Variants in LRRC4C observed in about 807,000 individuals in gnomAD.
The protein encoded by LRRC4C is leucine-rich repeat-containing protein 4C.
Under a neutral mutation model 33.6 loss-of-function variants are expected in LRRC4C, and 5 were observed. The ratio of observed to expected loss-of-function variants is 0.15; its 90% CI spans 0.08 to 0.31. The LOEUF (loss-of-function observed/expected upper bound fraction) is 0.31, where lower values mean the gene tolerates loss of function less well. LRRC4C is among the 10% of genes least tolerant of loss of function. The pLI is 1.00. For synonymous variants in LRRC4C, 329 were observed against 302.0 expected, an observed-to-expected ratio of 1.09 and a Z score of -0.93; for missense variants, 560 against 796.7, an observed-to-expected ratio of 0.70 and a Z score of 3.58.
chr11:40,296,510 T>C (rs1944520156), intron 4 of LRRC4C, among the ~76,000 whole-genome samples: 1 of 152,154 alleles, frequency 6.6e-6, no homozygotes, highest in East Asian at 1.9e-4. Context: ...TGCGATAACA[T>C]TAAGGTTTTG....
chr11:40,528,147 G>T (rs78986289), intron 3 of LRRC4C, among the ~76,000 whole-genome samples: 3 of 151,776 alleles, frequency 2.0e-5, no homozygotes, highest in African/African-American at 7.3e-5. Context: ...ATATAACACC[G>T]AAAGCAAAGC....
intron 3 of LRRC4C, among the ~76,000 whole-genome samples, chr11:40,518,421 AC>A (rs1412665501): frequency 1.3e-5 from 2 of 152,214 alleles, no homozygotes; most frequent in East Asian, 1.9e-4. Flanking sequence ...CAAGAAAAAA[AC>A]AACCCCATCA....
intron 1 of LRRC4C, among the ~76,000 whole-genome samples, chr11:41,305,117 T>C (rs1168210534): frequency 4.6e-5 from 1 of 21,916 alleles, no homozygotes; most frequent in Non-Finnish European, 1.1e-4. Context: ...TCAGCCCCCC[T>C]GCCCGGCCAG....
intron 1 of LRRC4C, among the ~76,000 whole-genome samples, chr11:41,082,462 A>ATCCAGTGAGTTTTTTTTCTGG (rs1426175957): frequency 6.9e-6 from 1 of 144,716 alleles, no homozygotes; most frequent in African/African-American, 2.6e-5. Flanking sequence ...GAGCTGGTGA[A>ATCCAGTGAGTTTTTTTTCTGG]ATCTTAGAGT....
intron 3 of LRRC4C, among the ~76,000 whole-genome samples, chr11:40,393,512 T>C (rs1271508027): frequency 6.6e-6 from 1 of 152,076 alleles, no homozygotes; most frequent in African/African-American, 2.4e-5. Context: ...ATAGACAGGG[T>C]CTAAGTCAGG....
intron 2 of LRRC4C, among the ~76,000 whole-genome samples, chr11:40,766,042 C>T (rs552534549): frequency 5.5e-4 from 82 of 149,234 alleles, no homozygotes; most frequent in African/African-American, 1.9e-3. Context: ...TAATCAAACT[C>T]CCAAAGGTCA....
intron 2 of LRRC4C, among the ~76,000 whole-genome samples, chr11:40,740,982 T>TG: frequency 6.6e-6 from 1 of 152,122 alleles, no homozygotes; most frequent in East Asian, 1.9e-4. Context: ...CTGGTCTTTA[T>TG]GTCTGTTTCT....
intron 3 of LRRC4C, among the ~76,000 whole-genome samples, chr11:40,419,937 A>T (rs971805839): frequency 6.6e-6 from 1 of 152,106 alleles, no homozygotes; most frequent in Non-Finnish European, 1.5e-5. Context: ...TGATGAATCT[A>T]CTCTTTGGGG....
At chr11:40,486,703 A>G (rs1053865415) in intron 3 of LRRC4C, among the ~76,000 whole-genome samples, 1 of 152,018 alleles carries the variant, frequency 6.6e-6, no homozygotes, top group South Asian at 2.1e-4. Flanking sequence ...CAACCTTTCA[A>G]TTGGTTAAGA....
chr11:41,261,745 G>A (rs1296676671), intron 1 of LRRC4C, among the ~76,000 whole-genome samples: 1 of 152,076 alleles, frequency 6.6e-6, no homozygotes, highest in Non-Finnish European at 1.5e-5. Context: ...GAGAAAATAC[G>A]TAAAGAGGAA....
intron 3 of LRRC4C, among the ~76,000 whole-genome samples, chr11:40,567,617 C>T (rs1310407325): frequency 6.6e-6 from 1 of 152,136 alleles, no homozygotes; most frequent in African/African-American, 2.4e-5. Flanking sequence ...TTATAATGCT[C>T]TCCAGTCCCA....
intron 3 of LRRC4C, among the ~76,000 whole-genome samples, chr11:40,498,941 G>A (rs1279044767): frequency 2.0e-5 from 3 of 152,146 alleles, no homozygotes; most frequent in South Asian, 2.1e-4. Flanking sequence ...CTGTCAAAAC[G>A]TTGAGATGAT....
At chr11:40,654,840 G>T (rs1487078653) in intron 2 of LRRC4C, among the ~76,000 whole-genome samples, 1 of 152,150 alleles carries the variant, frequency 6.6e-6, no homozygotes, top group African/African-American at 2.4e-5. Flanking sequence ...TCAAAGACAG[G>T]ACCAGGTGGA....
chr11:40,614,409 T>C (rs1429147295), intron 3 of LRRC4C, among the ~76,000 whole-genome samples: 1 of 91,404 alleles, frequency 1.1e-5, no homozygotes. Context: ...TCCTCACCTT[T>C]CTAATCATAT....
intron 3 of LRRC4C, among the ~76,000 whole-genome samples, chr11:40,457,103 GA>G (rs74671900): frequency 0.014 from 1,072 of 78,842 alleles, 10 homozygotes; most frequent in African/African-American, 0.036. Flanking sequence ...TCTTAAAAAA[GA>G]AAAAAAAAAA....
chr11:40,972,043 G>A (rs1851760247), intron 1 of LRRC4C, among the ~76,000 whole-genome samples: 1 of 152,026 alleles, frequency 6.6e-6, no homozygotes, highest in South Asian at 2.1e-4. Flanking sequence ...AGGTGAATGG[G>A]ACTAGCCTTT....
At chr11:40,878,172 G>A (rs944706288) in intron 2 of LRRC4C, among the ~76,000 whole-genome samples, 12 of 151,990 alleles carry the variant, frequency 7.9e-5, no homozygotes, top group Admixed American at 5.9e-4. Context: ...GGTGGACCGC[G>A]TGTAGACTAA....
Position 40,793,066 on chromosome 11 carries a change from A to G in LRRC4C, c.-407+140569T>C, listed in dbSNP as rs1016945122. Among the ~76,000 whole-genome samples the G allele has an allele frequency of 4.6e-5, 7 of 152,080 alleles. 1 individual carries two copies. Among genetic ancestry groups the G allele is most frequent in the Non-Finnish European group, 7.4e-5 (5 of 68,002 alleles). On this transcript the variant is annotated intron_variant, in intron 2 of 6. Transcript: ENST00000528697. Reference sequence around the variant, plus strand: ...ATGAGTTAATGGGTGCAGCACACCAACATGGCACATGTATACATATGTAAC... The same window carrying G: ...ATGAGTTAATGGGTGCAGCACACCAGCATGGCACATGTATACATATGTAAC...
chr11:40,124,252 T>C (rs1034098502), intron 6 of LRRC4C, among the ~76,000 whole-genome samples: 26 of 152,096 alleles, frequency 1.7e-4, no homozygotes, highest in African/African-American at 5.8e-4. Flanking sequence ...TGGAAGTTCT[T>C]CAAAAAACTA....
Sources: allele counts gnomAD v4.1 joint callset (sites outside exome capture counted in the v4.1 genomes callset), GRCh38; gene constraint gnomAD v4.1.1; transcripts MANE v1.5; gene names NCBI Gene and HGNC (gene_info 2026-07-23, HGNC 2026-07-21).